The following SERPINA11 variants were observed in gnomAD, a reference collection of about 807,000 sequenced individuals.
SERPINA11 encodes serpin family A member 11.
Under a neutral mutation model 29.4 loss-of-function variants are expected in SERPINA11, and 28 were observed. The observed-to-expected ratio is 0.95, with a 90% CI of 0.70 to 1.30. The LOEUF is 1.30. Ranked by LOEUF, SERPINA11 falls within the 50% of genes most tolerant of loss-of-function variation. The probability of loss-of-function intolerance (pLI) is 0.00; values close to 1 mark genes in which losing one functional copy is unlikely to be tolerated. For missense variants in SERPINA11, 530 were observed against 507.3 expected, an observed-to-expected ratio of 1.04 and a Z score of -0.43; for synonymous variants, 253 against 206.6, an observed-to-expected ratio of 1.22 and a Z score of -1.92.
chr14:94,444,425 T>C (rs1343717600), intron 3 of SERPINA11, among the ~76,000 whole-genome samples: 2 of 152,024 alleles, frequency 1.3e-5, no homozygotes, highest in East Asian at 3.9e-4. Flanking sequence ...TTTAGAGGAG[T>C]AACTTGGGTC....
rs749325818 is a variant in SERPINA11 at position 94,448,192 on chromosome 14, A to G, written c.583T>C (p.Cys195Arg). The change falls in exon 2 of 5, where the codon TGC becomes CGC. Residue 195 changes from cysteine to arginine, a missense_variant. Physicochemically the swap from Cys to Arg is radical, Grantham distance 180. Coordinates refer to ENST00000334708, the MANE Select transcript of SERPINA11 (RefSeq NM_001080451.2). ...GTGTCCTGGCTGAACTCCGGGAGGC[A>G]GTCCACGACTTGCCCGTATGTTTGC... is the stretch of plus-strand genomic sequence containing the variant. ...RRQTYGQVVD[C>R]LPEFSQDTFM... 16 of 1,614,246 alleles carry G rather than the reference A, an allele frequency of 9.9e-6. No homozygotes were observed. Among genetic ancestry groups the G allele is most frequent in the Non-Finnish European group, 1.4e-5 (16 of 1,180,046 alleles).
chr14:94,442,753 A>T lies in SERPINA11; in HGVS notation c.1122T>A (p.Ala374=). The T allele has an allele frequency of 6.2e-7, 1 of 1,613,524 alleles. No homozygotes were observed. Among genetic ancestry groups the T allele is most frequent in the Middle Eastern group, 1.7e-4 (1 of 5,814 alleles). ...ATGGGGGCTGGGAGAGGAGGCCTGAAGCAGCCCCGGCCTCGGTCCCCTTCT... is the reference window on the plus strand; with the variant it reads ...ATGGGGGCTGGGAGAGGAGGCCTGATGCAGCCCCGGCCTCGGTCCCCTTCT... ...MSEKGTEAGA[A]SGLLSQPPSL... The change falls in exon 5 of 5, where the codon GCT becomes GCA. Residue 374 remains alanine (A), a synonymous_variant. Transcript: ENST00000334708.
At position 94,442,828 on chromosome 14, in the gene SERPINA11, T is replaced by C. The variant is rs745731995; in HGVS notation, c.1066-19A>G. On this transcript the variant is annotated intron_variant, in intron 4 of 4. Transcript: ENST00000334708. ...GTGACACCTAGAGGACAAGAGGAGATGAAGACAGCATCAGTTTGGGGGCCT... is the reference window on the plus strand; with the variant it reads ...GTGACACCTAGAGGACAAGAGGAGACGAAGACAGCATCAGTTTGGGGGCCT... The C allele has an allele frequency of 2.5e-6, 4 of 1,577,942 alleles. No individual in the cohort carries two copies. Among genetic ancestry groups the C allele is most frequent in the African/African-American group, 1.4e-5 (1 of 74,028 alleles).
chr14:94,449,462 TTTC>T (rs1457403570), intron 1 of SERPINA11, among the ~76,000 whole-genome samples: 15 of 118,450 alleles, frequency 1.3e-4, no homozygotes, highest in African/African-American at 6.6e-4. Flanking sequence ...TCTTTCTTTC[TTTC>T]TTTCTTTCTT....
Position 94,448,578 on chromosome 14 carries a change from G to A in SERPINA11, c.197C>T (p.Ala66Val), listed in dbSNP as rs186102883. 3.7e-6 allele frequency: 6 copies of A among 1,614,144 alleles called. No homozygotes were observed. The East Asian group carries it at 1.1e-4, about 30-fold the overall frequency. Reference protein sequence around the residue: ...NFALRLYKELAADAPGNIFFS... With the variant: ...NFALRLYKELVADAPGNIFFS... Reference sequence around the variant, plus strand: ...GAAGATGTTTCCGGGGGCGTCTGCTGCCAGCTCTTTATACAAACGCAAAGC... The same window carrying A: ...GAAGATGTTTCCGGGGGCGTCTGCTACCAGCTCTTTATACAAACGCAAAGC... Residue 66 changes from alanine (A) to valine (V), a missense_variant, in exon 2 of 5, where the codon GCA (alanine) becomes GTA (valine). Physicochemically the swap from Ala to Val is moderately conservative, Grantham distance 64. Transcript: ENST00000334708.
In SERPINA11 at chr14:94,448,621, G is replaced by T. The variant is rs775974111; in HGVS notation, c.154C>A (p.Pro52Thr). Residue 52 changes from proline (P) to threonine (T), a missense_variant, in exon 2 of 5, where the codon CCC (proline) becomes ACC (threonine). Transcript: ENST00000334708. Reference protein sequence around the residue: ...EPAPAYHRITPTITNFALRLY... With the variant: ...EPAPAYHRITTTITNFALRLY... ...CGCAAAGCAAAATTGGTAATGGTGG[G>T]TGTGATTCTGTGGTAGGCGGGGGCT... The T allele has an allele frequency of 2.5e-6, 4 of 1,611,074 alleles. No individual in the cohort carries two copies. The highest frequency in any genetic ancestry group is 1.1e-5 in the South Asian group (1 of 90,936).
chr14:94,443,013 A>T, intron 4 of SERPINA11, 65 bp downstream of exon 4: 1 of 1,528,708 alleles, frequency 6.5e-7, no homozygotes. Context: ...AATGTCCCAC[A>T]TGCCAAAGGA....
rs146470027 is a variant in SERPINA11 at position 94,443,140 on chromosome 14, T to C, written c.1003A>G (p.Ile335Val). 1.8e-5 allele frequency: 29 copies of C among 1,614,048 alleles called. No homozygotes were observed. The highest frequency in any genetic ancestry group is 1.7e-4 in the Admixed American group (10 of 60,004). The change falls in exon 4 of 5, where the codon ATA (isoleucine) becomes GTA (valine). Residue 335 changes from isoleucine (I) to valine (V), a missense_variant. Ile to Val is a conservative substitution (Grantham distance 29). Coordinates refer to ENST00000334708, the MANE Select transcript of SERPINA11 (RefSeq NM_001080451.2). ...GAGAAGTCAGCTTCTAAGTTGAGTA[T>C]GTTGGTGAGACCAATTTGGGGAAGT... ...DILPQIGLTN[I>V]LNLEADFSGV...
chr14:94,443,947 T>C (rs548325773), intron 3 of SERPINA11, among the ~76,000 whole-genome samples: 1 of 152,338 alleles, frequency 6.6e-6, no homozygotes, highest in African/African-American at 2.4e-5. Context: ...TAATTATGGT[T>C]TGACAGCTAC....
chr14:94,442,827 A>G lies in SERPINA11; in HGVS notation c.1066-18T>C. On this transcript the variant is annotated intron_variant, in intron 4 of 4. Coordinates refer to ENST00000334708, the MANE Select transcript of SERPINA11 (RefSeq NM_001080451.2). ...TGTGACACCTAGAGGACAAGAGGAG[A>G]TGAAGACAGCATCAGTTTGGGGGCC... 1 of 1,578,936 alleles carries G rather than the reference A, an allele frequency of 6.3e-7. No homozygotes were observed. Among genetic ancestry groups the G allele is most frequent in the Non-Finnish European group, 8.6e-7 (1 of 1,161,846 alleles).
intron 1 of SERPINA11, among the ~76,000 whole-genome samples, chr14:94,449,581 T>C (rs1460137316): frequency 6.6e-6 from 1 of 151,100 alleles, no homozygotes; most frequent in Non-Finnish European, 1.5e-5. Flanking sequence ...CCTTCCTTCC[T>C]TCCTTCCCTC....
At chr14:94,445,627 G>T (rs1194804594) in intron 3 of SERPINA11, among the ~76,000 whole-genome samples, 1 of 152,190 alleles carries the variant, frequency 6.6e-6, no homozygotes, top group African/African-American at 2.4e-5. Context: ...GGAGTGCAGT[G>T]GCACAATCAT....
rs147414427 is a variant in SERPINA11, at chr14:94,450,874, C to T, written c.-4+1855G>A. On this transcript the variant is annotated intron_variant, in intron 1 of 4. Transcript: ENST00000334708. The stretch of plus-strand genomic sequence containing the variant: ...TCCATGCTCTCCTTTCCCTTTCAGT[C>T]CCATCCCCCGACCCTACACCCATCT... Among the ~76,000 whole-genome samples, 19 of 151,406 alleles carry T rather than the reference C, an allele frequency of 1.3e-4. 1 individual carries two copies. The highest frequency in any genetic ancestry group is 4.4e-4 in the African/African-American group (18 of 41,220).
At chr14:94,451,721 C>A (rs1346994074) in intron 1 of SERPINA11, among the ~76,000 whole-genome samples, 5 of 152,190 alleles carry the variant, frequency 3.3e-5, no homozygotes, top group African/African-American at 1.2e-4. Context: ...TCTCCCTTTG[C>A]AAAATGCAAA....
chr14:94,450,068 G>A (rs887611577), intron 1 of SERPINA11, among the ~76,000 whole-genome samples: 1 of 152,152 alleles, frequency 6.6e-6, no homozygotes, highest in Non-Finnish European at 1.5e-5. Context: ...GACTGATGGA[G>A]CCTAGAGGAG....
chr14:94,443,705 C>A (rs552580723), intron 3 of SERPINA11, among the ~76,000 whole-genome samples: 2 of 152,338 alleles, frequency 1.3e-5, no homozygotes, highest in South Asian at 2.1e-4. Context: ...TCTCACCCAT[C>A]TCCACTTCAG....
At position 94,443,070 on chromosome 14, in the gene SERPINA11, C is replaced by T. The variant is rs1386570806; in HGVS notation, c.1065+8G>A. 6.2e-7 allele frequency: 1 copy of T among 1,607,600 alleles called. No homozygotes were observed. The highest frequency in any genetic ancestry group is 1.1e-5 in the South Asian group (1 of 89,452). On this transcript the variant is annotated splice_region_variant and intron_variant, in intron 4 of 4. Transcript: ENST00000334708. ...CCTGCCCACAAACATCCATGTTCAC[C>T]ACTTTACCTTGGAGATGGTTTTGTT...
chr14:94,451,257 G>A (rs975038253), intron 1 of SERPINA11, among the ~76,000 whole-genome samples: 4 of 152,202 alleles, frequency 2.6e-5, no homozygotes, highest in Admixed American at 6.5e-5. Flanking sequence ...CAGGAGGGAC[G>A]AATGTGGTCT....
At chr14:94,447,053 C>T (rs1898456529) in intron 2 of SERPINA11, among the ~76,000 whole-genome samples, 1 of 152,154 alleles carries the variant, frequency 6.6e-6, no homozygotes, top group Admixed American at 6.6e-5. Context: ...TGAATTAATC[C>T]TTCTCAACCA....
Sources: allele counts gnomAD v4.1 joint callset (sites outside exome capture counted in the v4.1 genomes callset), GRCh38; gene constraint gnomAD v4.1.1; transcripts MANE v1.5; gene names NCBI Gene and HGNC (gene_info 2026-07-23, HGNC 2026-07-21).